Variants in VMP1 observed in about 807,000 individuals in gnomAD.
VMP1 encodes the protein vacuole membrane protein 1.
Under a neutral mutation model 56.0 loss-of-function variants are expected in VMP1, and 11 were observed. The observed-to-expected ratio is 0.20, with a 90% CI of 0.12 to 0.32. VMP1 has a LOEUF of 0.32. VMP1 is among the 10% of genes least tolerant of loss of function. VMP1 has a pLI of 1.00. For synonymous variants in VMP1, 149 were observed against 165.0 expected, an observed-to-expected ratio of 0.90 and a Z score of 0.74; for missense variants, 296 against 490.3, an observed-to-expected ratio of 0.60 and a Z score of 3.74.
At chr17:59,719,095 T>G (rs925675821) in intron 1 of VMP1, among the ~76,000 whole-genome samples, 2 of 152,200 alleles carry the variant, frequency 1.3e-5, no homozygotes, top group African/African-American at 4.8e-5. Context: ...TCAAGATATA[T>G]TACTCAGATT....
At chr17:59,757,456 C>G (rs1390747002) in intron 5 of VMP1, among the ~76,000 whole-genome samples, 1 of 152,008 alleles carries the variant, frequency 6.6e-6, no homozygotes, top group Non-Finnish European at 1.5e-5. Context: ...CTTTTCTAAT[C>G]ACTAAAACTC....
intron 6 of VMP1, among the ~76,000 whole-genome samples, chr17:59,771,415 G>C (rs149245500): frequency 6.6e-6 from 1 of 152,018 alleles, no homozygotes; most frequent in Admixed American, 6.6e-5. Context: ...ATGAGCCACT[G>C]TACTGGGTCT....
intron 7 of VMP1, among the ~76,000 whole-genome samples, chr17:59,790,866 T>G (rs2037200328): frequency 6.6e-6 from 1 of 152,178 alleles, no homozygotes; most frequent in Non-Finnish European, 1.5e-5. Flanking sequence ...TCTCATTTCC[T>G]CTCATATTTT....
chr17:59,740,752 G>A (rs1463839793), intron 5 of VMP1, among the ~76,000 whole-genome samples: 2 of 152,224 alleles, frequency 1.3e-5, no homozygotes, highest in Admixed American at 6.5e-5. Context: ...GAGGGAGAGA[G>A]GAAAAGAAGG....
intron 7 of VMP1, among the ~76,000 whole-genome samples, chr17:59,790,927 A>G (rs936395813): frequency 1.3e-5 from 2 of 152,184 alleles, no homozygotes; most frequent in African/African-American, 2.4e-5. Flanking sequence ...TTTCTAGAGA[A>G]TGTAATTATT....
intron 7 of VMP1, among the ~76,000 whole-genome samples, chr17:59,776,878 T>C (rs1168880778): frequency 6.6e-6 from 1 of 152,254 alleles, no homozygotes; most frequent in African/African-American, 2.4e-5. Context: ...ATGAGAGTTG[T>C]TCTCTCATAA....
In VMP1 at chr17:59,755,742, GT is replaced by G. The variant is rs57646102; in HGVS notation, c.415-9215del. Among the ~76,000 whole-genome samples, 349 of 140,300 alleles carry G rather than the reference GT, an allele frequency of 2.5e-3. 2 individuals carry two copies. In the South Asian group the frequency reaches 0.026, roughly 11 times the overall value. 92.0% of individuals were successfully genotyped at this position (140,300 alleles called of 152,430 possible). A position where few individuals can be genotyped will look rare whatever the true frequency, so the allele number is the denominator to read the frequency against. Reference sequence around the variant, plus strand: ...TCTTTGTTTTTTGTTTTGGTTTTTGGTTTTTTTTTTTTTTGAGACAGGGTCT... The same window carrying G: ...TCTTTGTTTTTTGTTTTGGTTTTTGGTTTTTTTTTTTTTGAGACAGGGTCT... On this transcript the variant is annotated intron_variant, in intron 5 of 11. Transcript: ENST00000262291.
chr17:59,754,736 T>C (rs2035773274), intron 5 of VMP1, among the ~76,000 whole-genome samples: 1 of 152,138 alleles, frequency 6.6e-6, no homozygotes, highest in African/African-American at 2.4e-5. Context: ...GCATGAAAGC[T>C]CTTCTCCCTG....
At chr17:59,782,225 A>G (rs2036848536) in intron 7 of VMP1, among the ~76,000 whole-genome samples, 1 of 152,032 alleles carries the variant, frequency 6.6e-6, no homozygotes, top group Non-Finnish European at 1.5e-5. Flanking sequence ...TTCTTTTAGT[A>G]CTTTTATGGT....
intron 2 of VMP1, among the ~76,000 whole-genome samples, chr17:59,733,664 C>G (rs956526440): frequency 3.3e-5 from 5 of 152,156 alleles, no homozygotes; most frequent in Middle Eastern, 3.4e-3. Context: ...ATCATGCTAC[C>G]ACTGCACCCC....
intron 5 of VMP1, among the ~76,000 whole-genome samples, chr17:59,740,530 A>C: frequency 6.6e-6 from 1 of 152,230 alleles, no homozygotes. Context: ...GTACTGGATT[A>C]ATGATCTGAC....
intron 7 of VMP1, among the ~76,000 whole-genome samples, chr17:59,802,632 C>T (rs566844148): frequency 1.3e-5 from 2 of 152,278 alleles, no homozygotes; most frequent in South Asian, 2.1e-4. Flanking sequence ...GTGGCACGAT[C>T]TCTGCTCACT....
At chr17:59,817,282 CAAAAAAAAAA>C (rs1209080230) in intron 9 of VMP1, among the ~76,000 whole-genome samples, 1 of 60,350 alleles carries the variant, frequency 1.7e-5, no homozygotes, top group South Asian at 7.3e-4. Flanking sequence ...AACTCTGTCT[CAAAAAAAAAA>C]AAAAAAAAAA....
At chr17:59,709,320 C>T (rs1017423110) in intron 1 of VMP1, among the ~76,000 whole-genome samples, 3 of 152,160 alleles carry the variant, frequency 2.0e-5, no homozygotes, top group South Asian at 2.1e-4. Flanking sequence ...TCCAACTTCT[C>T]GCTTTTGGCT....
intron 6 of VMP1, among the ~76,000 whole-genome samples, chr17:59,766,558 T>A (rs994854693): frequency 6.6e-6 from 1 of 152,176 alleles, no homozygotes; most frequent in East Asian, 1.9e-4. Context: ...TTCTGAGTTA[T>A]TATAATGCTA....
chr17:59,711,027 C>G (rs934797129), intron 1 of VMP1, among the ~76,000 whole-genome samples: 1 of 151,286 alleles, frequency 6.6e-6, no homozygotes, highest in African/African-American at 2.4e-5. Flanking sequence ...GAGCCGAGAT[C>G]GCGCCACTGC....
In VMP1 at chr17:59,711,433, G is replaced by T. The variant is rs532140776; in HGVS notation, c.-27+3685G>T. On this transcript the variant is annotated intron_variant, in intron 1 of 11. Coordinates refer to ENST00000262291, the MANE Select transcript of VMP1 (RefSeq NM_030938.5). ...GTGTGGAAATGAACTCTAGATTAGA[G>T]AATCCTAATAAACAGGACAAATTGA... 3.9e-5 allele frequency among the ~76,000 whole-genome samples: 6 copies of T among 152,124 alleles called. No individual in the cohort carries two copies. In the South Asian group the frequency reaches 1.2e-3, roughly 32 times the overall value.
chr17:59,801,104 A>ATGTG (rs2037634556), intron 7 of VMP1, among the ~76,000 whole-genome samples: 1 of 129,334 alleles, frequency 7.7e-6, no homozygotes, highest in African/African-American at 3.8e-5. Flanking sequence ...ATATATATAT[A>ATGTG]TATATATATG....
At chr17:59,828,185 C>T (rs2038703286) in intron 10 of VMP1, among the ~76,000 whole-genome samples, 1 of 152,212 alleles carries the variant, frequency 6.6e-6, no homozygotes. Context: ...GCCTGCTTTT[C>T]TCCTGCTGCT....
Sources: gnomAD v4.1 joint callset for allele counts (sites outside exome capture counted in the v4.1 genomes callset) on GRCh38, gnomAD v4.1.1 for gene constraint, MANE v1.5 for transcripts, NCBI Gene and HGNC (gene_info 2026-07-23, HGNC 2026-07-21) for gene names.